FBN1: variants seen among roughly 807,000 people sequenced by gnomAD.
The protein encoded by FBN1 is fibrillin-1.
FBN1 carries 29 observed loss-of-function variants against 365.1 expected under a neutral mutation model. The observed-to-expected ratio is 0.08, with a 90% CI of 0.06 to 0.11. The LOEUF (loss-of-function observed/expected upper bound fraction) is 0.11. FBN1 is among the 10% of genes least tolerant of loss of function. FBN1 has a pLI of 1.00. For missense variants in FBN1, 2,476 were observed against 3,703.2 expected (o/e 0.67, Z 8.60); for synonymous variants, 1,210 against 1,270.5 (o/e 0.95, Z 1.01).
chr15:48,575,268 A>G (rs2044335980), intron 6 of FBN1, among the ~76,000 whole-genome samples: 1 of 152,268 alleles, frequency 6.6e-6, no homozygotes. Context: ...TGCTCTGGCA[A>G]GGAAATGGTA....
chr15:48,572,624 G>C (rs991801880), intron 6 of FBN1, among the ~76,000 whole-genome samples: 2 of 151,570 alleles, frequency 1.3e-5, no homozygotes, highest in African/African-American at 4.8e-5. Flanking sequence ...AAATCTTGGA[G>C]AGAAAGTGTA....
At position 48,566,402 on chromosome 15, in the gene FBN1, TAAGC is replaced by T. The variant is rs1322550656; in HGVS notation, c.539-28598_539-28595del. On this transcript the variant is annotated intron_variant, in intron 6 of 65. Transcript: ENST00000316623. ...CTATTTTACTTGTGTCTCCACACTT[TAAGC>T]AAGCCAGTTATTTTTTTAATTGGAT... Among the ~76,000 whole-genome samples the T allele has an allele frequency of 4.6e-5, 7 of 152,370 alleles. No homozygotes were observed. In the East Asian group the frequency reaches 1.3e-3, roughly 29 times the overall value.
At chr15:48,645,454 A>G (rs1270038785) in intron 1 of FBN1, 121 bp downstream of exon 1, 1 of 152,342 alleles carries the variant, frequency 6.6e-6, no homozygotes, top group Non-Finnish European at 1.5e-5. Flanking sequence ...ACGTTCCGGG[A>G]CAGCCCCTCA....
intron 54 of FBN1, 48 bp downstream of exon 54, chr15:48,434,545 TC>T (rs1391699553): frequency 5.0e-6 from 8 of 1,610,550 alleles, no homozygotes; most frequent in Non-Finnish European, 5.9e-6. Context: ...AACCAATTGT[TC>T]CCAGGATCAG....
At chr15:48,607,949 A>G (rs1354456213) in intron 4 of FBN1, among the ~76,000 whole-genome samples, 1 of 152,256 alleles carries the variant, frequency 6.6e-6, no homozygotes, top group African/African-American at 2.4e-5. Flanking sequence ...GGCTGGAATT[A>G]AAGTCTAGAA....
In FBN1 at chr15:48,490,863, G is replaced by T. The variant is rs1179272417; in HGVS notation, c.2855-785C>A. Among the ~76,000 whole-genome samples the T allele has an allele frequency of 2.0e-5, 3 of 152,164 alleles. No homozygotes were observed. In the East Asian group the frequency reaches 5.8e-4, roughly 29 times the overall value. ...GGATGTTGCACTCATCTCTCAGAAG[G>T]TTCTGTGAAGCTCAACTGAGATTAT... On this transcript the variant is annotated intron_variant, in intron 24 of 65. Transcript: ENST00000316623.
intron 10 of FBN1, among the ~76,000 whole-genome samples, chr15:48,517,448 G>T (rs902101950): frequency 6.6e-6 from 1 of 152,214 alleles, no homozygotes; most frequent in Non-Finnish European, 1.5e-5. Context: ...GGTCGGGTAT[G>T]AATGCTGCAT....
chr15:48,600,586 C>T lies in FBN1; in HGVS notation c.347-352G>A, dbSNP rs953650679. Among the ~76,000 whole-genome samples the T allele has an allele frequency of 7.9e-5, 12 of 152,288 alleles. 1 individual carries two copies. The highest frequency in any genetic ancestry group is 2.9e-4 in the African/African-American group (12 of 41,560). ...AGGCGTAATGGCGCATGCCTGTAATCCCAGCCACTCCGGAGGCTGAGGCAA... is the reference window on the plus strand; with the variant it reads ...AGGCGTAATGGCGCATGCCTGTAATTCCAGCCACTCCGGAGGCTGAGGCAA... On this transcript the variant is annotated intron_variant, in intron 4 of 65. Transcript: ENST00000316623.
At position 48,537,738 on chromosome 15, in the gene FBN1, G is replaced by A. The variant is rs781318299; in HGVS notation, c.609C>T (p.Val203=). The change falls in exon 7 of 66, where the codon GTC becomes GTT. Residue 203 remains valine (V), a synonymous_variant. Coordinates refer to ENST00000316623, the MANE Select transcript of FBN1 (RefSeq NM_000138.5). ...TGGCACAGCAGAGCGTTTTTGTGCA[G>A]ACAATCCCGCTGAGTTGTCCCTGGC... The part of the protein sequence containing the change: ...QMCQGQLSGI[V]CTKTLCCATV... 1 of 1,614,202 alleles carries A rather than the reference G, an allele frequency of 6.2e-7. No individual in the cohort carries two copies. The highest frequency in any genetic ancestry group is 8.5e-7 in the Non-Finnish European group (1 of 1,180,032).
chr15:48,448,711 G>A, intron 46 of FBN1, 57 bp downstream of exon 46: 1 of 1,539,036 alleles, frequency 6.5e-7, no homozygotes, highest in Non-Finnish European at 8.9e-7. Context: ...TCCATATTTA[G>A]AATCAAATGA....
chr15:48,421,261 A>C lies in FBN1; in HGVS notation c.7699+297T>G, dbSNP rs140300904. Among the ~76,000 whole-genome samples, 749 of 152,308 alleles carry C rather than the reference A, an allele frequency of 4.9e-3. 5 individuals are homozygous for C. Among genetic ancestry groups the C allele is most frequent in the African/African-American group, 0.017 (720 of 41,576 alleles). On this transcript the variant is annotated intron_variant, in intron 62 of 65. Coordinates refer to ENST00000316623, the MANE Select transcript of FBN1 (RefSeq NM_000138.5). ...CTCTGGACCCAGTGACCAGAAAATTAATGAATCAAAATCAAGTATATTTTT... is the reference window on the plus strand; with the variant it reads ...CTCTGGACCCAGTGACCAGAAAATTCATGAATCAAAATCAAGTATATTTTT...
At chr15:48,556,042 T>C (rs1265795443) in intron 6 of FBN1, among the ~76,000 whole-genome samples, 3 of 152,092 alleles carry the variant, frequency 2.0e-5, no homozygotes, top group Non-Finnish European at 4.4e-5. Flanking sequence ...CAAATACCTT[T>C]TATCTCAAAG....
intron 6 of FBN1, among the ~76,000 whole-genome samples, chr15:48,563,643 G>A (rs1043394023): frequency 1.3e-5 from 2 of 152,082 alleles, no homozygotes; most frequent in Non-Finnish European, 2.9e-5. Context: ...TTCTGCAAAC[G>A]GGCGCTCCCC....
chr15:48,518,964 C>T (rs1214804521), intron 10 of FBN1, among the ~76,000 whole-genome samples: 1 of 152,218 alleles, frequency 6.6e-6, no homozygotes, highest in African/African-American at 2.4e-5. Context: ...AAGCCACACA[C>T]AGGAACCTGG....
At chr15:48,507,246 AT>A (rs200308646) in intron 15 of FBN1, among the ~76,000 whole-genome samples, 8 of 150,976 alleles carry the variant, frequency 5.3e-5, no homozygotes, top group African/African-American at 1.5e-4. Flanking sequence ...TCTTTCTATT[AT>A]TTTTTTTTGG....
At chr15:48,566,236 G>T (rs1014889269) in intron 6 of FBN1, among the ~76,000 whole-genome samples, 7 of 152,070 alleles carry the variant, frequency 4.6e-5, no homozygotes, top group Non-Finnish European at 7.4e-5. Flanking sequence ...CTTTTCATTT[G>T]CTTTTAAGCA....
intron 49 of FBN1, among the ~76,000 whole-genome samples, chr15:48,442,808 G>C (rs922354291): frequency 2.0e-5 from 3 of 152,152 alleles, no homozygotes; most frequent in Admixed American, 6.6e-5. Context: ...ACTTTCAGCA[G>C]GAATTTTTAG....
intron 10 of FBN1, among the ~76,000 whole-genome samples, chr15:48,519,727 G>A (rs562153278): frequency 4.6e-5 from 7 of 152,154 alleles, no homozygotes; most frequent in East Asian, 1.9e-4. Flanking sequence ...AGAAATGCTC[G>A]GATTGGGTGC....
At chr15:48,526,046 G>A (rs927209866) in intron 9 of FBN1, 84 bp downstream of exon 9, 4 of 1,532,174 alleles carry the variant, frequency 2.6e-6, no homozygotes, top group South Asian at 1.1e-5. Context: ...AATTATATGT[G>A]CTCCTTAACA....
Sources: allele counts gnomAD v4.1 joint callset (sites outside exome capture counted in the v4.1 genomes callset), GRCh38; gene constraint gnomAD v4.1.1; transcripts MANE v1.5; gene names NCBI Gene and HGNC (gene_info 2026-07-23, HGNC 2026-07-21).